PRR11: variants seen among roughly 807,000 people sequenced by gnomAD.
PRR11 encodes proline-rich protein 11.
In PRR11, 30 loss-of-function variants were observed where a neutral mutation model predicts 45.6. The ratio of observed to expected loss-of-function variants is 0.66; its 90% CI spans 0.49 to 0.89. PRR11 has a LOEUF of 0.89. Among genes scored for constraint, PRR11 ranks in the 40% least tolerant of loss-of-function variants. The probability of loss-of-function intolerance (pLI) is 0.00; values close to 1 mark genes in which losing one functional copy is unlikely to be tolerated. For missense variants in PRR11, 373 were observed against 424.8 expected, an observed-to-expected ratio of 0.88 and a Z score of 1.07; for synonymous variants, 128 against 153.5, an observed-to-expected ratio of 0.83 and a Z score of 1.23.
Position 59,185,570 on chromosome 17 carries a change from T to C in PRR11, c.402+8T>C. The C allele has an allele frequency of 6.3e-7, 1 of 1,587,382 alleles. No homozygotes were observed. Among genetic ancestry groups the C allele is most frequent in the Non-Finnish European group, 8.5e-7 (1 of 1,170,466 alleles). The stretch of plus-strand genomic sequence containing the variant: ...CTCCAGGAAGCACTGAAGGTTGGTA[T>C]TGTCAAATAAAAAGCAAATCTGGAA... On this transcript the variant is annotated splice_region_variant and intron_variant, in intron 4 of 9. Transcript: ENST00000262293.
intron 2 of PRR11, among the ~76,000 whole-genome samples, chr17:59,182,645 G>A (rs541592902): frequency 7.3e-5 from 11 of 151,612 alleles, no homozygotes; most frequent in Non-Finnish European, 1.2e-4. Flanking sequence ...CATCCGCCTC[G>A]GCCTCCCAAA....
intron 2 of PRR11, among the ~76,000 whole-genome samples, chr17:59,171,861 C>A (rs1197974892): frequency 6.6e-6 from 1 of 151,804 alleles, no homozygotes; most frequent in East Asian, 1.9e-4. Flanking sequence ...AGTGTACTCG[C>A]TTCAGGGGCA....
chr17:59,170,296 A>G (rs2046701247), intron 2 of PRR11, among the ~76,000 whole-genome samples: 1 of 152,178 alleles, frequency 6.6e-6, no homozygotes, highest in African/African-American at 2.4e-5. Flanking sequence ...TTTCAGATAA[A>G]CAATGAATAA....
At chr17:59,188,942 A>AAAAAAT (rs1342979447) in intron 4 of PRR11, among the ~76,000 whole-genome samples, 3 of 144,348 alleles carry the variant, frequency 2.1e-5, no homozygotes, top group Non-Finnish European at 4.5e-5. Flanking sequence ...TGTGTCTCAA[A>AAAAAAT]AATAATAATA....
intron 5 of PRR11, 34 bp from the exon 6 acceptor site, chr17:59,194,723 C>A: frequency 6.5e-7 from 1 of 1,537,884 alleles, no homozygotes; most frequent in Non-Finnish European, 8.9e-7. Context: ...GTGCTGGTTC[C>A]AATTTGAATT....
At chr17:59,186,417 A>T (rs1236293820) in intron 4 of PRR11, among the ~76,000 whole-genome samples, 1 of 77,226 alleles carries the variant, frequency 1.3e-5, no homozygotes, top group Non-Finnish European at 2.6e-5. Flanking sequence ...TTTTTTTTAG[A>T]CAGAATCTCA....
intron 4 of PRR11, among the ~76,000 whole-genome samples, chr17:59,186,049 G>A (rs545724742): frequency 5.3e-5 from 8 of 152,268 alleles, no homozygotes; most frequent in African/African-American, 1.7e-4. Context: ...TAACTGATGT[G>A]GAAAAAGTTG....
At chr17:59,181,724 G>A in intron 2 of PRR11, 4 of 1,555,992 alleles carry the variant, frequency 2.6e-6, no homozygotes, top group Non-Finnish European at 3.5e-6. Flanking sequence ...GACCTACATG[G>A]GAGGCTGGGA....
At chr17:59,190,200 G>A (rs549153402) in intron 4 of PRR11, among the ~76,000 whole-genome samples, 6 of 152,232 alleles carry the variant, frequency 3.9e-5, no homozygotes, top group Admixed American at 2.6e-4. Flanking sequence ...GGCCAGGCAC[G>A]GTGGCTCACG....
In PRR11 at chr17:59,162,497, A is replaced by T. The variant is rs1032592587; in HGVS notation, c.-6+6692A>T. On this transcript the variant is annotated intron_variant, in intron 1 of 9. Coordinates refer to ENST00000262293, the MANE Select transcript of PRR11 (RefSeq NM_018304.4). The stretch of plus-strand genomic sequence containing the variant: ...AGTCAAATACAATACAAGCCTTATT[A>T]GAATTAGAAAGAAATAACAAAAAAA... Among the ~76,000 whole-genome samples the T allele has an allele frequency of 4.6e-5, 7 of 152,332 alleles. No homozygotes were observed. The South Asian group carries it at 1.5e-3, about 32-fold the overall frequency.
chr17:59,171,102 AC>A (rs1278751307), intron 2 of PRR11, among the ~76,000 whole-genome samples: 1 of 151,930 alleles, frequency 6.6e-6, no homozygotes, highest in Non-Finnish European at 1.5e-5. Context: ...TACTAAAAAT[AC>A]AAAAAAAAAA....
chr17:59,156,774 G>A lies in PRR11; in HGVS notation c.-6+969G>A, dbSNP rs563425635. ...CTCCTGAGTAGCTGGGAGTACAGGC[G>A]CACGCCAGCACGCCCGGCTAATTTT... On this transcript the variant is annotated intron_variant, in intron 1 of 9. Transcript: ENST00000262293. Among the ~76,000 whole-genome samples the A allele has an allele frequency of 2.6e-5, 4 of 151,898 alleles. No individual in the cohort carries two copies. The East Asian group carries it at 7.7e-4, about 29-fold the overall frequency.
intron 1 of PRR11, among the ~76,000 whole-genome samples, chr17:59,168,535 G>GGATTACGCCACC (rs2046690895): frequency 6.6e-6 from 1 of 151,902 alleles, no homozygotes; most frequent in Non-Finnish European, 1.5e-5. Context: ...CAGCACTTTG[G>GGATTACGCCACC]GATTACGCCA....
Position 59,205,385 on chromosome 17 carries a change from A to T in PRR11, c.*3754A>T, listed in dbSNP as rs1259494157. ...TTTCTCTTTCTAACCTTCTTTTTAA[A>T]CTAGAAATATAATACCTATAGAAAA... On this transcript the variant is annotated 3_prime_UTR_variant, in exon 10 of 10. Coordinates refer to ENST00000262293, the MANE Select transcript of PRR11 (RefSeq NM_018304.4). Among the ~76,000 whole-genome samples, 1 of 151,686 alleles carries T rather than the reference A, an allele frequency of 6.6e-6. No individual in the cohort carries two copies. Among genetic ancestry groups the T allele is most frequent in the Admixed American group, 6.6e-5 (1 of 15,210 alleles).
At chr17:59,197,242 TG>T (rs1353211444) in intron 7 of PRR11, among the ~76,000 whole-genome samples, 1 of 148,684 alleles carries the variant, frequency 6.7e-6, no homozygotes, top group Non-Finnish European at 1.5e-5. Flanking sequence ...TAATAAAATC[TG>T]GCAAGTTCTA....
rs78268397 is a variant in PRR11 at position 59,204,706 on chromosome 17, A to C, written c.*3075A>C. 7.1e-6 allele frequency: 1 copy of C among 141,832 alleles called. No homozygotes were observed. The highest frequency in any genetic ancestry group is 1.5e-5 in the Non-Finnish European group (1 of 64,548). The allele number at this position is 141,832 out of a possible 1,614,324, so 8.8% of individuals were successfully genotyped here. A position where few individuals can be genotyped will look rare whatever the true frequency, so the allele number is the denominator to read the frequency against. ...GGACAACAGAGTGAGACCCTGTGTC[A>C]AAAAAAAAAAAAAGAAAGAAAGAAA... On this transcript the variant is annotated 3_prime_UTR_variant, in exon 10 of 10. Coordinates refer to ENST00000262293, the MANE Select transcript of PRR11 (RefSeq NM_018304.4).
intron 1 of PRR11, among the ~76,000 whole-genome samples, chr17:59,162,673 T>C (rs1300144898): frequency 6.6e-6 from 1 of 152,050 alleles, no homozygotes; most frequent in Non-Finnish European, 1.5e-5. Flanking sequence ...TTTTTTCAAG[T>C]GTAGGCACTA....
At chr17:59,171,960 TATACA>T (rs1451470402) in intron 2 of PRR11, among the ~76,000 whole-genome samples, 1 of 152,072 alleles carries the variant, frequency 6.6e-6, no homozygotes, top group Non-Finnish European at 1.5e-5. Context: ...TATATATATA[TATACA>T]TAACAGCTAT....
intron 4 of PRR11, among the ~76,000 whole-genome samples, chr17:59,192,069 G>T (rs1218973230): frequency 6.6e-6 from 1 of 152,142 alleles, no homozygotes. Context: ...AATGTAATTA[G>T]GGTAAGGATT....
Sources: gnomAD v4.1 joint callset for allele counts (sites outside exome capture counted in the v4.1 genomes callset) on GRCh38, gnomAD v4.1.1 for gene constraint, MANE v1.5 for transcripts, NCBI Gene and HGNC (gene_info 2026-07-23, HGNC 2026-07-21) for gene names.